The following CCDC85A variants were observed in gnomAD, a reference collection of about 807,000 sequenced individuals.
CCDC85A encodes the protein coiled-coil domain-containing protein 85A.
A neutral mutation model predicts 50.2 loss-of-function variants in CCDC85A; 38 were observed. That is an observed-to-expected ratio of 0.76 (90% CI 0.58 to 0.99). The LOEUF (loss-of-function observed/expected upper bound fraction) is 0.99, where lower values mean the gene tolerates loss of function less well. Among genes scored for constraint, CCDC85A ranks in the 50% least tolerant of loss-of-function variants. The probability of loss-of-function intolerance (pLI) is 0.00; values close to 1 mark genes in which losing one functional copy is unlikely to be tolerated. For synonymous variants in CCDC85A, 366 were observed against 301.4 expected, an observed-to-expected ratio of 1.21 and a Z score of -2.22; for missense variants, 820 against 742.0, an observed-to-expected ratio of 1.11 and a Z score of -1.22.
intron 2 of CCDC85A, among the ~76,000 whole-genome samples, chr2:56,220,882 T>C (rs542634748): frequency 6.0e-4 from 92 of 152,134 alleles, no homozygotes; most frequent in African/African-American, 2.1e-3. Context: ...GAGGAAAAAG[T>C]ATGCAGGTGG....
chr2:56,283,167 C>A (rs903798831), intron 2 of CCDC85A, among the ~76,000 whole-genome samples: 9 of 152,106 alleles, frequency 5.9e-5, no homozygotes. Context: ...TGTACATACT[C>A]AGAACTCAAA....
chr2:56,376,756 T>A (rs1023451468), intron 5 of CCDC85A, among the ~76,000 whole-genome samples: 16 of 152,244 alleles, frequency 1.1e-4, no homozygotes, highest in African/African-American at 3.9e-4. Context: ...TGAAGCACTG[T>A]CTAACAAATC....
intron 2 of CCDC85A, among the ~76,000 whole-genome samples, chr2:56,272,170 T>C (rs920511318): frequency 6.6e-6 from 1 of 152,144 alleles, no homozygotes; most frequent in Non-Finnish European, 1.5e-5. Context: ...ATAATAAGTA[T>C]TAATCCCTAA....
At chr2:56,284,743 AG>A (rs1671355572) in intron 2 of CCDC85A, among the ~76,000 whole-genome samples, 1 of 152,140 alleles carries the variant, frequency 6.6e-6, no homozygotes, top group South Asian at 2.1e-4. Context: ...TAGTTCTATC[AG>A]CTTCTTTTAT....
At chr2:56,341,635 G>A (rs2104320091) in intron 2 of CCDC85A, among the ~76,000 whole-genome samples, 1 of 152,290 alleles carries the variant, frequency 6.6e-6, no homozygotes, top group Admixed American at 6.5e-5. Context: ...TTCTTCACCT[G>A]TGACCCCTTT....
intron 2 of CCDC85A, among the ~76,000 whole-genome samples, chr2:56,223,265 T>A (rs991338049): frequency 2.0e-5 from 3 of 152,212 alleles, no homozygotes; most frequent in Non-Finnish European, 4.4e-5. Context: ...AAACATTTTC[T>A]GTAAAGGGCC....
At chr2:56,202,926 A>G (rs1168220385) in intron 2 of CCDC85A, among the ~76,000 whole-genome samples, 1 of 152,216 alleles carries the variant, frequency 6.6e-6, no homozygotes, top group African/African-American at 2.4e-5. Context: ...GATGGATTAG[A>G]TGTGATTTAA....
At chr2:56,380,120 AAT>A (rs1676515512) in intron 5 of CCDC85A, among the ~76,000 whole-genome samples, 1 of 152,168 alleles carries the variant, frequency 6.6e-6, no homozygotes, top group African/African-American at 2.4e-5. Context: ...TACTGTCTAA[AAT>A]ATGTTTCTAA....
At chr2:56,314,191 G>A (rs935840884) in intron 2 of CCDC85A, among the ~76,000 whole-genome samples, 1 of 150,926 alleles carries the variant, frequency 6.6e-6, no homozygotes, top group South Asian at 2.1e-4. Flanking sequence ...GGATTGTCAG[G>A]AGAGAAGGCA....
chr2:56,379,701 A>G (rs1262544672), intron 5 of CCDC85A: 3 of 626,634 alleles, frequency 4.8e-6, no homozygotes, highest in Non-Finnish European at 4.0e-6. Context: ...ATCATAACTA[A>G]CAAGCTTTTT....
chr2:56,186,851 G>A (rs1676069386), intron 1 of CCDC85A, among the ~76,000 whole-genome samples: 1 of 152,166 alleles, frequency 6.6e-6, no homozygotes, highest in Non-Finnish European at 1.5e-5. Context: ...GTACACCCAA[G>A]TAAGAAAGTC....
chr2:56,208,477 C>G (rs1037186568), intron 2 of CCDC85A, among the ~76,000 whole-genome samples: 1 of 152,094 alleles, frequency 6.6e-6, no homozygotes, highest in African/African-American at 2.4e-5. Context: ...TAGGTTACAA[C>G]ACATATTTTA....
chr2:56,318,164 C>A (rs1337376875), intron 2 of CCDC85A, among the ~76,000 whole-genome samples: 1 of 152,058 alleles, frequency 6.6e-6, no homozygotes, highest in East Asian at 1.9e-4. Flanking sequence ...ATATATAAGA[C>A]TTAATGCTTA....
intron 2 of CCDC85A, among the ~76,000 whole-genome samples, chr2:56,336,752 G>A (rs1376498000): frequency 6.6e-6 from 1 of 152,172 alleles, no homozygotes; most frequent in African/African-American, 2.4e-5. Context: ...AACTAACAGA[G>A]AAAACGAACA....
At chr2:56,356,265 C>A (rs1422060664) in intron 3 of CCDC85A, among the ~76,000 whole-genome samples, 4 of 152,196 alleles carry the variant, frequency 2.6e-5, no homozygotes, top group Non-Finnish European at 4.4e-5. Context: ...AAATATTTCT[C>A]ACAAAGAGTT....
intron 2 of CCDC85A, among the ~76,000 whole-genome samples, chr2:56,228,492 G>A (rs560407666): frequency 7.9e-5 from 12 of 151,730 alleles, no homozygotes; most frequent in African/African-American, 2.7e-4. Context: ...AAGTCTACAC[G>A]TTGTCTTTCT....
At chr2:56,258,617 G>C (rs1238269532) in intron 2 of CCDC85A, among the ~76,000 whole-genome samples, 1 of 152,212 alleles carries the variant, frequency 6.6e-6, no homozygotes, top group Non-Finnish European at 1.5e-5. Flanking sequence ...GCAAAATCTA[G>C]GACAGGAGAG....
chr2:56,358,822 T>C (rs1397587139), intron 3 of CCDC85A, among the ~76,000 whole-genome samples: 2 of 151,882 alleles, frequency 1.3e-5, no homozygotes, highest in Non-Finnish European at 2.9e-5. Context: ...TTCACTCTTG[T>C]TACCCAGGTT....
chr2:56,200,986 G>A (rs140033166), intron 2 of CCDC85A, among the ~76,000 whole-genome samples: 55 of 150,998 alleles, frequency 3.6e-4, no homozygotes, highest in African/African-American at 1.3e-3. Context: ...TAGGCCTTCT[G>A]TAGGCTTTTC....
Sources: allele counts gnomAD v4.1 joint callset (sites outside exome capture counted in the v4.1 genomes callset), GRCh38; gene constraint gnomAD v4.1.1; transcripts MANE v1.5; gene names NCBI Gene and HGNC (gene_info 2026-07-23, HGNC 2026-07-21).